Variants in ULK4 observed in about 807,000 individuals in gnomAD.
ULK4 encodes inactive serine/threonine-protein kinase ULK4.
ULK4 carries 133 observed loss-of-function variants against 160.6 expected under a neutral mutation model. That is an observed-to-expected ratio of 0.83 (90% CI 0.72 to 0.96). The LOEUF (loss-of-function observed/expected upper bound fraction) is 0.96. Among genes scored for constraint, ULK4 ranks in the 40% least tolerant of loss-of-function variants. The pLI is 0.00. For synonymous variants in ULK4, 534 were observed against 539.8 expected (o/e 0.99, Z 0.15); for missense variants, 1,580 against 1,499.5 (o/e 1.05, Z -0.89).
At position 41,938,125 on chromosome 3, in the gene ULK4, G is replaced by C. The variant is rs1463994359; in HGVS notation, c.211C>G (p.Leu71Val). 1 of 1,613,050 alleles carries C rather than the reference G, an allele frequency of 6.2e-7. No homozygotes were observed. The highest frequency in any genetic ancestry group is 1.7e-5 in the Admixed American group (1 of 59,974). ...FHEWYETSNH[L>V]WLVVELCTGG... The stretch of plus-strand genomic sequence containing the variant: ...GTGCAGAGTTCCACCACTAGCCAGA[G>C]GTGGTTGCTTGTTTCATACCATTCA... The change falls in exon 3 of 37, where the codon CTC becomes GTC. Residue 71 changes from leucine (L) to valine (V), a missense_variant. Transcript: ENST00000301831.
chr3:41,879,361 G>A (rs1016425845), intron 17 of ULK4, among the ~76,000 whole-genome samples: 2 of 152,100 alleles, frequency 1.3e-5, no homozygotes, highest in African/African-American at 4.8e-5. Context: ...GAGAGAGGGA[G>A]AGAAAAAGGG....
At chr3:41,469,613 A>AAAAAAAAAAAAAAAAAC in intron 32 of ULK4, among the ~76,000 whole-genome samples, 1 of 147,774 alleles carries the variant, frequency 6.8e-6, no homozygotes, top group Non-Finnish European at 1.5e-5. Context: ...AAAAAAAAAA[A>AAAAAAAAAAAAAAAAAC]AAAAAAAAAA....
chr3:41,876,321 ACTC>A (rs1265686637), intron 17 of ULK4, among the ~76,000 whole-genome samples: 3 of 152,194 alleles, frequency 2.0e-5, no homozygotes, highest in African/African-American at 7.2e-5. Context: ...AAAATTAAAT[ACTC>A]CTATCTTCTG....
intron 5 of ULK4, among the ~76,000 whole-genome samples, chr3:41,921,546 C>T (rs1357935059): frequency 3.9e-5 from 6 of 151,990 alleles, no homozygotes; most frequent in East Asian, 1.9e-4. Flanking sequence ...ACCCAGGAGG[C>T]GGAGTTTGCA....
intron 32 of ULK4, among the ~76,000 whole-genome samples, chr3:41,517,904 C>A (rs896760215): frequency 6.6e-6 from 1 of 152,128 alleles, no homozygotes; most frequent in Non-Finnish European, 1.5e-5. Flanking sequence ...TGGCAAAAAC[C>A]GCAATTACAT....
chr3:41,325,528 G>C (rs770375168), intron 35 of ULK4, among the ~76,000 whole-genome samples: 3 of 152,136 alleles, frequency 2.0e-5, no homozygotes, highest in Non-Finnish European at 4.4e-5. Flanking sequence ...TGGTGAAAAT[G>C]GTTTCAAAGA....
At chr3:41,460,090 CAGCCCCCTAAAAT>C (rs1054975561) in intron 33 of ULK4, among the ~76,000 whole-genome samples, 1 of 152,190 alleles carries the variant, frequency 6.6e-6, no homozygotes, top group African/African-American at 2.4e-5. Flanking sequence ...TAAAAACAGA[CAGCCCCCTAAAAT>C]AGCCCCCAAC....
chr3:41,922,517 A>G (rs1238951838), intron 5 of ULK4, among the ~76,000 whole-genome samples: 1 of 151,390 alleles, frequency 6.6e-6, no homozygotes, highest in Non-Finnish European at 1.5e-5. Context: ...GAACCGAAAG[A>G]GTAAGGGCAT....
chr3:41,821,922 T>A (rs1439267678), intron 18 of ULK4, among the ~76,000 whole-genome samples: 1 of 152,178 alleles, frequency 6.6e-6, no homozygotes, highest in African/African-American at 2.4e-5. Flanking sequence ...TCCTTTAAAT[T>A]GGGCCTTAAA....
At chr3:41,390,753 C>T (rs886070911) in intron 35 of ULK4, among the ~76,000 whole-genome samples, 21 of 152,072 alleles carry the variant, frequency 1.4e-4, no homozygotes, top group Admixed American at 1.4e-3. Context: ...AATTTCTGTT[C>T]TTTTACATTT....
In ULK4 at chr3:41,254,042, C is replaced by A. The variant is rs1442716564; in HGVS notation, c.3679-4468G>T. On this transcript the variant is annotated intron_variant, in intron 35 of 36. Transcript: ENST00000301831. The stretch of plus-strand genomic sequence containing the variant: ...AAAGGAAAACAGATAAATCCACAAT[C>A]GTAGTTGGAGATTTCAAAACTCCTC... Among the ~76,000 whole-genome samples, 4 of 152,230 alleles carry A rather than the reference C, an allele frequency of 2.6e-5. No homozygotes were observed. The East Asian group carries it at 7.7e-4, about 29-fold the overall frequency.
At chr3:41,943,260 C>T (rs1700015433) in intron 2 of ULK4, among the ~76,000 whole-genome samples, 1 of 116,266 alleles carries the variant, frequency 8.6e-6, no homozygotes, top group Admixed American at 1.0e-4. Flanking sequence ...TTAATTTCAC[C>T]CATTTGTTTT....
chr3:41,922,598 G>C (rs1166752188), intron 5 of ULK4, among the ~76,000 whole-genome samples: 1 of 151,322 alleles, frequency 6.6e-6, no homozygotes, highest in Non-Finnish European at 1.5e-5. Context: ...CAAAGCCAAA[G>C]GTGGGGTTAA....
chr3:41,760,155 T>C (rs1293379366), intron 21 of ULK4, among the ~76,000 whole-genome samples: 1 of 152,122 alleles, frequency 6.6e-6, no homozygotes, highest in Non-Finnish European at 1.5e-5. Context: ...AAAGAAAATA[T>C]GTATCTGTCG....
intron 21 of ULK4, among the ~76,000 whole-genome samples, chr3:41,788,469 G>T (rs960643509): frequency 1.3e-5 from 2 of 152,154 alleles, no homozygotes; most frequent in African/African-American, 2.4e-5. Context: ...CGGATCACAA[G>T]TTCAGGAGAT....
intron 32 of ULK4, among the ~76,000 whole-genome samples, chr3:41,552,620 C>T (rs2087115729): frequency 6.6e-6 from 1 of 151,822 alleles, no homozygotes; most frequent in South Asian, 2.1e-4. Flanking sequence ...GAAAAATATC[C>T]TATGCTCATG....
chr3:41,915,966 A>G lies in ULK4; in HGVS notation c.803+11T>C, dbSNP rs751187470. 7.6e-5 allele frequency: 119 copies of G among 1,567,258 alleles called. No homozygotes were observed. Among genetic ancestry groups the G allele is most frequent in the Non-Finnish European group, 1.0e-4 (117 of 1,158,648 alleles). On this transcript the variant is annotated intron_variant, in intron 8 of 36. Transcript: ENST00000301831. ...AAGAAAAAGAAAAAAAGATCGAACT[A>G]CTGTCCCTACCTTTTCTGAGGATCT...
chr3:41,442,907 T>C (rs1157502723), intron 34 of ULK4, among the ~76,000 whole-genome samples: 6 of 152,236 alleles, frequency 3.9e-5, no homozygotes, highest in African/African-American at 4.8e-5. Flanking sequence ...CAAGAGTAGT[T>C]TGAATAGTGC....
At chr3:41,382,037 T>C (rs2081664980) in intron 35 of ULK4, among the ~76,000 whole-genome samples, 2 of 152,168 alleles carry the variant, frequency 1.3e-5, no homozygotes, top group Non-Finnish European at 1.5e-5. Context: ...TCTCTACTTC[T>C]TTCAGTCTTC....
Sources: allele counts gnomAD v4.1 joint callset (sites outside exome capture counted in the v4.1 genomes callset), GRCh38; gene constraint gnomAD v4.1.1; transcripts MANE v1.5; gene names NCBI Gene and HGNC (gene_info 2026-07-23, HGNC 2026-07-21).